The following RORA variants were observed in gnomAD, a reference collection of about 807,000 sequenced individuals.
RORA encodes the protein RAR related orphan receptor A, also known as nuclear receptor ROR-alpha.
Under a neutral mutation model 69.5 loss-of-function variants are expected in RORA, and 7 were observed. That is an observed-to-expected ratio of 0.10 (90% CI 0.06 to 0.19). The LOEUF is 0.19. RORA is among the 10% of genes least tolerant of loss of function. The probability of loss-of-function intolerance (pLI) is 1.00; values close to 1 mark genes in which losing one functional copy is unlikely to be tolerated. For synonymous variants in RORA, 261 were observed against 240.8 expected (o/e 1.08, Z -0.78); for missense variants, 457 against 663.0 (o/e 0.69, Z 3.41).
chr15:61,180,478 C>T (rs2079673755), intron 1 of RORA, among the ~76,000 whole-genome samples: 1 of 152,216 alleles, frequency 6.6e-6, no homozygotes, highest in African/African-American at 2.4e-5. Flanking sequence ...AGTTACCTTG[C>T]TGTGTTCTGC....
chr15:61,184,949 C>T (rs1024807701), intron 1 of RORA, among the ~76,000 whole-genome samples: 1 of 137,626 alleles, frequency 7.3e-6, no homozygotes, highest in African/African-American at 2.7e-5. Context: ...TGTCCCACTG[C>T]ACTCCAGCCT....
chr15:60,983,085 A>G lies in RORA; in HGVS notation c.166+245968T>C, dbSNP rs77866647. Reference sequence around the variant, plus strand: ...AATTCTTAGTGCCACCCCCTACTACAACCAACTGAATGGCCCCTCCTCTCA... The same window carrying G: ...AATTCTTAGTGCCACCCCCTACTACGACCAACTGAATGGCCCCTCCTCTCA... On this transcript the variant is annotated intron_variant, in intron 1 of 10. Transcript: ENST00000335670. Among the ~76,000 whole-genome samples, 18 of 152,238 alleles carry G rather than the reference A, an allele frequency of 1.2e-4. 1 individual carries two copies. The South Asian group carries it at 1.9e-3, about 16-fold the overall frequency.
At chr15:60,533,229 A>G (rs1281160087) in intron 2 of RORA, among the ~76,000 whole-genome samples, 1 of 152,152 alleles carries the variant, frequency 6.6e-6, no homozygotes, top group Non-Finnish European at 1.5e-5. Context: ...AAAGCTATCC[A>G]TCATTTTTTT....
intron 2 of RORA, among the ~76,000 whole-genome samples, chr15:60,653,037 G>A (rs1285075514): frequency 2.0e-5 from 3 of 152,200 alleles, no homozygotes; most frequent in South Asian, 2.1e-4. Context: ...ACTTCAGCCC[G>A]TAAGCGTGAT....
At chr15:61,214,712 G>C (rs1309791094) in intron 1 of RORA, among the ~76,000 whole-genome samples, 1 of 152,058 alleles carries the variant, frequency 6.6e-6, no homozygotes, top group African/African-American at 2.4e-5. Flanking sequence ...AGATGGACCA[G>C]GTAAAAGTTT....
In RORA at chr15:61,100,246, G is replaced by A. The variant is rs149613242; in HGVS notation, c.166+128807C>T. Among the ~76,000 whole-genome samples, 564 of 151,844 alleles carry A rather than the reference G, an allele frequency of 3.7e-3. 4 individuals carry two copies. The highest frequency in any genetic ancestry group is 0.016 in the South Asian group (76 of 4,800). On this transcript the variant is annotated intron_variant, in intron 1 of 10. Transcript: ENST00000335670. ...CGATTCTCCTGCCTCAGCCTCCTGG[G>A]TAGCTGGGATTACAGGCACGTGTCA...
Position 60,981,099 on chromosome 15 carries a change from AT to A in RORA, c.166+247953del, listed in dbSNP as rs35466644. 5.6e-3 allele frequency among the ~76,000 whole-genome samples: 827 copies of A among 146,610 alleles called. 2 individuals are homozygous for A. Among genetic ancestry groups the A allele is most frequent in the African/African-American group, 0.019 (770 of 40,218 alleles). On this transcript the variant is annotated intron_variant, in intron 1 of 10. Transcript: ENST00000335670. Reference sequence around the variant, plus strand: ...AGATACAAAATTCTTGGTTTACAGTATTTTTTTTTTTTCAGCACTTTGAATG... The same window carrying A: ...AGATACAAAATTCTTGGTTTACAGTATTTTTTTTTTTCAGCACTTTGAATG...
At chr15:60,770,039 C>T (rs538221862) in intron 1 of RORA, among the ~76,000 whole-genome samples, 1 of 152,314 alleles carries the variant, frequency 6.6e-6, no homozygotes, top group East Asian at 1.9e-4. Flanking sequence ...GCTGACACAG[C>T]TCCAATTTTG....
chr15:60,548,892 T>C (rs2140382408), intron 2 of RORA, among the ~76,000 whole-genome samples: 1 of 152,358 alleles, frequency 6.6e-6, no homozygotes, highest in African/African-American at 2.4e-5. Flanking sequence ...CCCAAAGTGC[T>C]GGGATTACAG....
At chr15:60,639,831 A>C (rs2069910147) in intron 2 of RORA, among the ~76,000 whole-genome samples, 1 of 152,196 alleles carries the variant, frequency 6.6e-6, no homozygotes, top group South Asian at 2.1e-4. Context: ...TTTTGGTTAA[A>C]TATAATGACA....
At position 61,147,901 on chromosome 15, in the gene RORA, G is replaced by A. The variant is rs2079364777; in HGVS notation, c.166+81152C>T. 6.6e-6 allele frequency among the ~76,000 whole-genome samples: 1 copy of A among 152,256 alleles called. No homozygotes were observed. The highest frequency in any genetic ancestry group is 1.5e-5 in the Non-Finnish European group (1 of 68,028). ...AGAAACTTGGCAGGGCAGGAACAAG[G>A]ATAGTTCATCCAGAATTACCTTAAG... is the stretch of plus-strand genomic sequence containing the variant. On this transcript the variant is annotated intron_variant, in intron 1 of 10. Transcript: ENST00000335670. This position sits in a 1 kb window ranked among gnomAD's most constrained non-coding sequence, Gnocchi z 4.1.
rs2068549184 is a variant in RORA, at chr15:60,592,326, C to T, written c.197-60475G>A. 4.0e-6 allele frequency: 5 copies of T among 1,250,556 alleles called. No individual in the cohort carries two copies. The African/African-American group carries it at 4.8e-5, about 12-fold the overall frequency. The allele number at this position is 1,250,556 out of a possible 1,614,324, so 77.5% of individuals were successfully genotyped here. A position where few individuals can be genotyped will look rare whatever the true frequency, so the allele number is the denominator to read the frequency against. On this transcript the variant is annotated intron_variant, in intron 2 of 10. Coordinates refer to ENST00000335670, the MANE Select transcript of RORA (RefSeq NM_134261.3). ...CGCGCCCACCCCTCCCCCTGCGCGC[C>T]CTCCTCCCCGCCCCCCGGAGCCGCC...
chr15:60,751,304 G>A (rs770150258), intron 1 of RORA, among the ~76,000 whole-genome samples: 11 of 152,140 alleles, frequency 7.2e-5, no homozygotes, highest in East Asian at 1.9e-4. Flanking sequence ...TGGCAGTTGC[G>A]TGAAGATCAG....
intron 1 of RORA, among the ~76,000 whole-genome samples, chr15:60,760,036 T>C (rs1428099192): frequency 6.6e-6 from 1 of 152,234 alleles, no homozygotes; most frequent in Non-Finnish European, 1.5e-5. Flanking sequence ...TTTTTAATAG[T>C]TTTAAATTTG....
At chr15:60,897,809 T>C (rs933965664) in intron 1 of RORA, among the ~76,000 whole-genome samples, 1 of 152,248 alleles carries the variant, frequency 6.6e-6, no homozygotes, top group African/African-American at 2.4e-5. Flanking sequence ...GTCTCAGCCA[T>C]GATCAGTCTA....
chr15:60,519,760 C>T (rs1364590219), intron 3 of RORA, among the ~76,000 whole-genome samples: 1 of 152,052 alleles, frequency 6.6e-6, no homozygotes, highest in African/African-American at 2.4e-5. Flanking sequence ...ATCATTTTTC[C>T]TCATTTCTGA....
intron 1 of RORA, among the ~76,000 whole-genome samples, chr15:61,097,563 C>T (rs2078809352): frequency 6.6e-6 from 1 of 152,022 alleles, no homozygotes; most frequent in Non-Finnish European, 1.5e-5. Context: ...ACAATTTTAT[C>T]CTCAGTACCT....
chr15:60,815,552 C>T (rs1404168363), intron 1 of RORA, among the ~76,000 whole-genome samples: 1 of 152,022 alleles, frequency 6.6e-6, no homozygotes, highest in Non-Finnish European at 1.5e-5. Context: ...AACTTACAAA[C>T]GTGGAAAGAT....
At chr15:60,965,726 A>G (rs1269005977) in intron 1 of RORA, among the ~76,000 whole-genome samples, 1 of 152,092 alleles carries the variant, frequency 6.6e-6, no homozygotes, top group Non-Finnish European at 1.5e-5. Context: ...TGCAAGCGCT[A>G]TTTTTCTCCC....
Sources: allele counts gnomAD v4.1 joint callset (sites outside exome capture counted in the v4.1 genomes callset), GRCh38; gene constraint gnomAD v4.1.1; non-coding constraint Gnocchi (gnomAD v3.1); transcripts MANE v1.5; gene names NCBI Gene and HGNC (gene_info 2026-07-23, HGNC 2026-07-21).